The following XXYLT1 variants were observed in gnomAD, a reference collection of about 807,000 sequenced individuals.
The protein encoded by XXYLT1 is UDP-xylose:alpha-xyloside alpha-1,3-xylosyltransferase.
XXYLT1 carries 20 observed loss-of-function variants against 28.9 expected under a neutral mutation model. That is an observed-to-expected ratio of 0.69 (90% CI 0.49 to 1.00). The LOEUF (loss-of-function observed/expected upper bound fraction) is 1.00, where lower values mean the gene tolerates loss of function less well. Ranked by LOEUF, XXYLT1 falls within the 50% of genes least tolerant of loss-of-function variation. The pLI, the probability that XXYLT1 is intolerant of heterozygous loss-of-function variation, is 0.00. For synonymous variants in XXYLT1, 257 were observed against 253.8 expected (o/e 1.01, Z -0.12); for missense variants, 542 against 560.1 (o/e 0.97, Z 0.33).
At chr3:195,181,226 A>G (rs1406189635) in intron 2 of XXYLT1, among the ~76,000 whole-genome samples, 3 of 152,142 alleles carry the variant, frequency 2.0e-5, no homozygotes, top group African/African-American at 7.2e-5. Context: ...CGGCTCCATA[A>G]AGGATGACAA....
chr3:195,101,271 A>C (rs1180914827), intron 3 of XXYLT1, among the ~76,000 whole-genome samples: 1 of 152,276 alleles, frequency 6.6e-6, no homozygotes, highest in African/African-American at 2.4e-5. Context: ...ATTAAGGAGA[A>C]CATGTACTAG....
intron 3 of XXYLT1, among the ~76,000 whole-genome samples, chr3:195,125,110 AG>A (rs1409568955): frequency 6.6e-6 from 1 of 152,246 alleles, no homozygotes; most frequent in Non-Finnish European, 1.5e-5. Context: ...TGTGTAAAAA[AG>A]AGAAAATAAG....
chr3:195,070,510 A>G (rs945577456), intron 3 of XXYLT1, among the ~76,000 whole-genome samples: 1 of 152,200 alleles, frequency 6.6e-6, no homozygotes, highest in African/African-American at 2.4e-5. Flanking sequence ...CCTAGTAAGC[A>G]GCAGACGCAG....
intron 2 of XXYLT1, among the ~76,000 whole-genome samples, chr3:195,196,148 G>C (rs1203112343): frequency 6.6e-6 from 1 of 152,260 alleles, no homozygotes; most frequent in Non-Finnish European, 1.5e-5. Context: ...GTAGCTGCTA[G>C]TCACATGTGG....
At chr3:195,112,601 GCACACACACGCACACATGTGCACA>G (rs149375095) in intron 3 of XXYLT1, among the ~76,000 whole-genome samples, 31,057 of 145,620 alleles carry the variant, frequency 0.21, 4,024 homozygotes, top group Admixed American at 0.33. Flanking sequence ...ACACACGCAT[GCACACACACGCACACATGTGCACA>G]CACACACCCC....
intron 1 of XXYLT1, among the ~76,000 whole-genome samples, chr3:195,227,944 G>A (rs577421678): frequency 4.6e-5 from 7 of 152,302 alleles, no homozygotes; most frequent in African/African-American, 1.4e-4. Flanking sequence ...TGTGATACCA[G>A]ATGACCATGT....
At chr3:195,204,653 G>C (rs1438153039) in intron 2 of XXYLT1, among the ~76,000 whole-genome samples, 2 of 152,174 alleles carry the variant, frequency 1.3e-5, no homozygotes, top group African/African-American at 4.8e-5. Context: ...GTCTTCATGG[G>C]TTGCTCAGGC....
At chr3:195,186,556 AGTCCCACCCACTT>A (rs1434550103) in intron 2 of XXYLT1, among the ~76,000 whole-genome samples, 7 of 152,116 alleles carry the variant, frequency 4.6e-5, no homozygotes, top group Non-Finnish European at 1.0e-4. Flanking sequence ...GGCCTGGCTA[AGTCCCACCCACTT>A]GTCTCACCTT....
intron 1 of XXYLT1, 87 bp from the exon 2 acceptor site, chr3:195,226,943 G>A (rs1404522256): frequency 1.3e-6 from 2 of 1,508,188 alleles, no homozygotes; most frequent in African/African-American, 2.8e-5. Flanking sequence ...GCCCACAGAG[G>A]CAGAGGCAGA....
intron 2 of XXYLT1, among the ~76,000 whole-genome samples, chr3:195,179,233 G>A (rs890559883): frequency 1.3e-5 from 2 of 151,868 alleles, no homozygotes; most frequent in South Asian, 2.1e-4. Context: ...CCAGCCACTC[G>A]GAAGGCTGAG....
At chr3:195,088,943 G>C (rs1715974288) in intron 3 of XXYLT1, among the ~76,000 whole-genome samples, 1 of 151,910 alleles carries the variant, frequency 6.6e-6, no homozygotes, top group Non-Finnish European at 1.5e-5. Flanking sequence ...AAGATGAAAT[G>C]AATGAAATGA....
At chr3:195,172,154 C>T (rs554586004) in intron 2 of XXYLT1, among the ~76,000 whole-genome samples, 10 of 152,268 alleles carry the variant, frequency 6.6e-5, no homozygotes, top group African/African-American at 2.4e-4. Flanking sequence ...TGGTCAAAAG[C>T]ACTTCTAGCC....
intron 2 of XXYLT1, among the ~76,000 whole-genome samples, chr3:195,170,156 G>GTATAC (rs1488126377): frequency 6.6e-6 from 1 of 151,910 alleles, no homozygotes; most frequent in African/African-American, 2.4e-5. Context: ...GGCCGTTAAT[G>GTATAC]TATATATTTA....
chr3:195,105,970 C>T (rs1717057980), intron 3 of XXYLT1, among the ~76,000 whole-genome samples: 1 of 152,168 alleles, frequency 6.6e-6, no homozygotes, highest in African/African-American at 2.4e-5. Flanking sequence ...GTATTATTTA[C>T]TTCTGATTAA....
At chr3:195,206,263 G>C (rs756648869) in intron 2 of XXYLT1, among the ~76,000 whole-genome samples, 40 of 151,658 alleles carry the variant, frequency 2.6e-4, no homozygotes, top group Non-Finnish European at 3.8e-4. Flanking sequence ...ACCCGCCTCG[G>C]CCTCCCGAAG....
intron 2 of XXYLT1, 33 bp downstream of exon 2, chr3:195,226,668 TCAGACACC>T: frequency 1.3e-6 from 2 of 1,593,372 alleles, no homozygotes; most frequent in Non-Finnish European, 1.7e-6. Context: ...GATGCAAAAG[TCAGACACC>T]CAGGGGCTAT....
chr3:195,136,901 G>A (rs1370154773), intron 3 of XXYLT1, among the ~76,000 whole-genome samples: 2 of 151,962 alleles, frequency 1.3e-5, no homozygotes, highest in Non-Finnish European at 2.9e-5. Flanking sequence ...TAGAAGTGGC[G>A]TCGAAGGGTA....
chr3:195,119,061 A>T (rs991428576), intron 3 of XXYLT1, among the ~76,000 whole-genome samples: 2 of 151,910 alleles, frequency 1.3e-5, no homozygotes, highest in Non-Finnish European at 2.9e-5. Flanking sequence ...GTGGATCACG[A>T]GGTCAGGAGT....
chr3:195,154,413 A>G (rs1280030952), intron 3 of XXYLT1, among the ~76,000 whole-genome samples: 1 of 152,188 alleles, frequency 6.6e-6, no homozygotes, highest in African/African-American at 2.4e-5. Flanking sequence ...AAACCAGGAA[A>G]TAAATCACAG....
Sources: allele counts gnomAD v4.1 joint callset (sites outside exome capture counted in the v4.1 genomes callset), GRCh38; gene constraint gnomAD v4.1.1; transcripts MANE v1.5; gene names NCBI Gene and HGNC (gene_info 2026-07-23, HGNC 2026-07-21).